HDAC4: variants seen among roughly 807,000 people sequenced by gnomAD.
The protein encoded by HDAC4 is histone deacetylase 4.
A neutral mutation model predicts 135.1 loss-of-function variants in HDAC4; 16 were observed. The ratio of observed to expected loss-of-function variants is 0.12; its 90% CI spans 0.08 to 0.18. HDAC4 has a LOEUF of 0.18. Among genes scored for constraint, HDAC4 ranks in the 10% least tolerant of loss-of-function variants. The probability of loss-of-function intolerance (pLI) is 1.00; values close to 1 mark genes in which losing one functional copy is unlikely to be tolerated. For synonymous variants in HDAC4, 685 were observed against 653.4 expected (o/e 1.05, Z -0.74); for missense variants, 1,143 against 1,511.8 (o/e 0.76, Z 4.05).
intron 3 of HDAC4, among the ~76,000 whole-genome samples, chr2:239,195,595 GC>G (rs1182494077): frequency 6.6e-6 from 1 of 152,196 alleles, no homozygotes; most frequent in Non-Finnish European, 1.5e-5. Context: ...CATTCAAAAT[GC>G]CACGAGTTCC....
chr2:239,211,800 G>C (rs530469213), intron 3 of HDAC4, among the ~76,000 whole-genome samples: 12 of 152,174 alleles, frequency 7.9e-5, no homozygotes, highest in Admixed American at 2.6e-4. Flanking sequence ...TTCAAGGACT[G>C]CTATAACTGA....
At chr2:239,363,227 G>A (rs1248092431) in intron 1 of HDAC4, among the ~76,000 whole-genome samples, 1 of 152,184 alleles carries the variant, frequency 6.6e-6, no homozygotes, top group Non-Finnish European at 1.5e-5. Flanking sequence ...TCAATGTTTT[G>A]CAAAGTAATC....
intron 4 of HDAC4, among the ~76,000 whole-genome samples, chr2:239,179,486 G>A (rs2044000084): frequency 1.3e-5 from 2 of 152,156 alleles, no homozygotes; most frequent in African/African-American, 4.8e-5. Flanking sequence ...TGGTCCTTAT[G>A]AGAATCTAAC....
rs1011477935 is a variant in HDAC4, at chr2:239,060,570, C to A, written c.3004-5737G>T. 4.6e-5 allele frequency among the ~76,000 whole-genome samples: 7 copies of A among 152,362 alleles called. No individual in the cohort carries two copies. In the South Asian group the frequency reaches 1.4e-3, roughly 32 times the overall value. On this transcript the variant is annotated intron_variant, in intron 24 of 26. Coordinates refer to ENST00000543185, the MANE Select transcript of HDAC4 (RefSeq NM_001378414.1). ...AGGGGCCAGTTTTACCCCCGTCCAG[C>A]TGGCAAAGGTCAAGGGCAACAATGC... is the stretch of plus-strand genomic sequence containing the variant.
At chr2:239,377,637 G>A (rs1291144701) in intron 1 of HDAC4, among the ~76,000 whole-genome samples, 3 of 152,222 alleles carry the variant, frequency 2.0e-5, no homozygotes, top group Admixed American at 6.5e-5. Flanking sequence ...GCGGGCAGGA[G>A]GCCCCAGGGC....
intron 17 of HDAC4, chr2:239,094,712 C>G: frequency 8.0e-7 from 1 of 1,254,480 alleles, no homozygotes; most frequent in South Asian, 1.6e-5. Context: ...CTGCCACAGA[C>G]TTCGAAGGGG....
intron 12 of HDAC4, among the ~76,000 whole-genome samples, chr2:239,119,632 G>A (rs2039456098): frequency 6.6e-6 from 1 of 151,948 alleles, no homozygotes; most frequent in African/African-American, 2.4e-5. Flanking sequence ...AGAGCTCAGG[G>A]CTGAGGGTGC....
chr2:239,261,492 A>G (rs2049363971), intron 2 of HDAC4, among the ~76,000 whole-genome samples: 1 of 152,118 alleles, frequency 6.6e-6, no homozygotes, highest in Admixed American at 6.5e-5. Context: ...AGGTGCATCC[A>G]TGGGGCATCC....
chr2:239,293,116 A>G (rs1159847805), intron 2 of HDAC4, among the ~76,000 whole-genome samples: 5 of 152,192 alleles, frequency 3.3e-5, no homozygotes, highest in African/African-American at 4.8e-5. Flanking sequence ...TTTCCTTCCC[A>G]GGTACCTGCT....
In HDAC4 at chr2:239,090,066, G is replaced by A. The variant is rs760713033; in HGVS notation, c.2331C>T (p.Arg777=). The A allele has an allele frequency of 1.4e-5, 23 of 1,613,858 alleles. 1 individual carries two copies. The South Asian group carries it at 2.5e-4, about 18-fold the overall frequency. The change falls in exon 18 of 27, where the codon CGC becomes CGT. Residue 777 remains arginine (R), a synonymous_variant. Coordinates refer to ENST00000543185, the MANE Select transcript of HDAC4 (RefSeq NM_001378414.1). ...GCTCTACCACGCAGCCCACAGCCAG[G>A]CGGGCTGCCCCCGCCGAGTGCACCT... is the stretch of plus-strand genomic sequence containing the variant. ...WNEVHSAGAA[R]LAVGCVVELV...
chr2:239,202,994 G>A (rs1345248484), intron 3 of HDAC4, among the ~76,000 whole-genome samples: 3 of 152,220 alleles, frequency 2.0e-5, no homozygotes, highest in Non-Finnish European at 4.4e-5. Context: ...ACGGGGTGCA[G>A]CACAGCCCAG....
intron 3 of HDAC4, among the ~76,000 whole-genome samples, chr2:239,219,173 T>A (rs996453768): frequency 4.0e-5 from 6 of 150,168 alleles, no homozygotes; most frequent in Non-Finnish European, 8.9e-5. Context: ...TGCACACGTA[T>A]GTTTATTGCG....
At chr2:239,063,558 C>T (rs909690217) in intron 24 of HDAC4, among the ~76,000 whole-genome samples, 8 of 152,158 alleles carry the variant, frequency 5.3e-5, no homozygotes, top group Non-Finnish European at 8.8e-5. Context: ...TGCAAGGGGA[C>T]GTATGCGCCC....
chr2:239,329,254 C>T (rs762373543), intron 2 of HDAC4, among the ~76,000 whole-genome samples: 38 of 152,308 alleles, frequency 2.5e-4, no homozygotes, highest in Non-Finnish European at 3.4e-4. Context: ...ACCCCAAAGG[C>T]GGGTCCTCCT....
chr2:239,052,775 T>G lies in HDAC4; in HGVS notation c.*322A>C, dbSNP rs1257270334. Reference sequence around the variant, plus strand: ...AACTGAATTCGGCAGCTCGGCCGCCTGTTGCCACAGGCTCCTTTCTTCCAC... The same window carrying G: ...AACTGAATTCGGCAGCTCGGCCGCCGGTTGCCACAGGCTCCTTTCTTCCAC... On this transcript the variant is annotated 3_prime_UTR_variant, in exon 27 of 27. Coordinates refer to ENST00000543185, the MANE Select transcript of HDAC4 (RefSeq NM_001378414.1). The G allele has an allele frequency of 2.4e-6, 1 of 422,190 alleles. No homozygotes were observed. The highest frequency in any genetic ancestry group is 4.3e-6 in the Non-Finnish European group (1 of 231,782). 26.2% of individuals were successfully genotyped at this position (422,190 alleles called of 1,614,324 possible).
chr2:239,399,838 ATAACT>A (rs755227542), intron 1 of HDAC4, among the ~76,000 whole-genome samples: 13 of 152,248 alleles, frequency 8.5e-5, no homozygotes, highest in South Asian at 2.1e-4. Flanking sequence ...TAGTTTTAAA[ATAACT>A]TAAGTTTAAT....
chr2:239,054,881 C>T (rs763237796), intron 24 of HDAC4, 48 bp from the exon 25 acceptor site: 3 of 1,268,940 alleles, frequency 2.4e-6, no homozygotes, highest in East Asian at 2.3e-5. Flanking sequence ...ATAATCCACA[C>T]GTGCGTTAGA....
intron 20 of HDAC4, among the ~76,000 whole-genome samples, chr2:239,083,623 A>G (rs993325663): frequency 3.3e-5 from 5 of 152,236 alleles, no homozygotes; most frequent in Admixed American, 6.5e-5. Flanking sequence ...CGGTATAAGA[A>G]TGAGTATACC....
At chr2:239,233,095 A>G (rs1464899580) in intron 3 of HDAC4, among the ~76,000 whole-genome samples, 3 of 152,212 alleles carry the variant, frequency 2.0e-5, no homozygotes, top group Non-Finnish European at 4.4e-5. Context: ...AATACTAACA[A>G]CATGTCTGTT....
Sources: gnomAD v4.1 joint callset for allele counts (sites outside exome capture counted in the v4.1 genomes callset) on GRCh38, gnomAD v4.1.1 for gene constraint, MANE v1.5 for transcripts, NCBI Gene and HGNC (gene_info 2026-07-23, HGNC 2026-07-21) for gene names.